MAOB: variants seen among roughly 807,000 people sequenced by gnomAD.
MAOB encodes amine oxidase [flavin-containing] B.
MAOB carries 15 observed loss-of-function variants against 41.9 expected under a neutral mutation model. The observed-to-expected ratio is 0.36, with a 90% confidence interval of 0.24 to 0.55. The LOEUF is 0.55. MAOB is among the 20% of genes least tolerant of loss of function. The probability of loss-of-function intolerance (pLI) is 0.86; values close to 1 mark genes in which losing one functional copy is unlikely to be tolerated. For missense variants in MAOB, 345 were observed against 398.7 expected (o/e 0.87, Z 1.15); for synonymous variants, 167 against 144.2 (o/e 1.16, Z -1.13).
chrX:43,833,522 G>T (rs899282894), intron 3 of MAOB, among the ~76,000 whole-genome samples: 1 of 111,247 alleles, frequency 9.0e-6, no homozygotes, highest in Admixed American at 9.6e-5. Context: ...CTTTTGGTGA[G>T]CTGGGCCCCC....
intron 6 of MAOB, among the ~76,000 whole-genome samples, 182 bp downstream of exon 6, chrX:43,796,943 G>A (rs2034535484): frequency 8.9e-6 from 1 of 111,796 alleles, no homozygotes; most frequent in South Asian, 3.8e-4. Context: ...ATTGGACACT[G>A]GGTTCTCACA....
At chrX:43,770,685 G>A (rs978001392) in intron 12 of MAOB, among the ~76,000 whole-genome samples, 1 of 111,808 alleles carries the variant, frequency 8.9e-6, no homozygotes, top group Non-Finnish European at 1.9e-5. Flanking sequence ...GAAATGTTCA[G>A]TGATATGCCA....
intron 3 of MAOB, among the ~76,000 whole-genome samples, chrX:43,816,782 CT>C (rs764646043): frequency 2.1e-3 from 232 of 111,887 alleles, no homozygotes; most frequent in Middle Eastern, 4.6e-3. Flanking sequence ...AATCAAGTTC[CT>C]TTTTGGATTC....
At chrX:43,843,387 AC>A (rs1474726901) in intron 2 of MAOB, among the ~76,000 whole-genome samples, 6 of 107,365 alleles carry the variant, frequency 5.6e-5, no homozygotes, top group Non-Finnish European at 1.2e-4. Context: ...ACACACACAC[AC>A]ACACACACAC....
chrX:43,817,081 C>T (rs1348505849), intron 3 of MAOB, among the ~76,000 whole-genome samples: 1 of 109,241 alleles, frequency 9.2e-6, no homozygotes, highest in Non-Finnish European at 1.9e-5. Context: ...CTCTCTCTCT[C>T]TTCTTCTTCT....
At chrX:43,843,991 T>C (rs977827404) in intron 1 of MAOB, 22 of 856,003 alleles carry the variant, frequency 2.6e-5, no homozygotes, top group Admixed American at 5.1e-5. Flanking sequence ...CTTAAACACA[T>C]CCTCTGCCAC....
chrX:43,837,829 C>A, intron 3 of MAOB: 1 of 328,836 alleles, frequency 3.0e-6, no homozygotes, highest in East Asian at 9.7e-5. Context: ...AAAACCTCCG[C>A]CAGTTCTTCC....
intron 3 of MAOB, among the ~76,000 whole-genome samples, chrX:43,830,124 T>C (rs1347734989): frequency 8.9e-6 from 1 of 112,756 alleles, no homozygotes; most frequent in Non-Finnish European, 1.9e-5. Flanking sequence ...ACTAGAAAAA[T>C]GTAAAATTAT....
intron 3 of MAOB, among the ~76,000 whole-genome samples, chrX:43,821,654 C>T (rs975121826): frequency 2.2e-4 from 25 of 111,371 alleles, no homozygotes; most frequent in Admixed American, 3.8e-4. Flanking sequence ...AAAACAAGTT[C>T]TTCCTTAAAT....
chrX:43,837,040 C>T (rs2035079608), intron 3 of MAOB, among the ~76,000 whole-genome samples: 1 of 112,212 alleles, frequency 8.9e-6, no homozygotes, highest in Non-Finnish European at 1.9e-5. Flanking sequence ...CTGGACATAG[C>T]TCTGAGCTGA....
chrX:43,825,164 T>A (rs1466829918), intron 3 of MAOB, among the ~76,000 whole-genome samples: 2 of 111,921 alleles, frequency 1.8e-5, no homozygotes, highest in Non-Finnish European at 3.8e-5. Context: ...GGACATTAAG[T>A]ATTTACACCG....
At chrX:43,770,367 C>T (rs996680642) in intron 12 of MAOB, among the ~76,000 whole-genome samples, 4 of 111,587 alleles carry the variant, frequency 3.6e-5, no homozygotes, top group Admixed American at 2.9e-4. Flanking sequence ...GCTTCCTTCT[C>T]CCTTCCACAG....
chrX:43,824,786 A>G (rs1237087950), intron 3 of MAOB, among the ~76,000 whole-genome samples: 3 of 113,504 alleles, frequency 2.6e-5, no homozygotes, highest in African/African-American at 9.6e-5. Flanking sequence ...AAATAGACAC[A>G]GACATATGTG....
intron 9 of MAOB, among the ~76,000 whole-genome samples, chrX:43,780,964 C>T (rs1419955348): frequency 9.0e-6 from 1 of 111,536 alleles, no homozygotes; most frequent in African/African-American, 3.3e-5. Context: ...CCTCTCTGGG[C>T]CAGGATATCC....
At chrX:43,849,039 A>G (rs1387631497) in intron 1 of MAOB, among the ~76,000 whole-genome samples, 1 of 112,204 alleles carries the variant, frequency 8.9e-6, no homozygotes, top group East Asian at 2.8e-4. Context: ...CCAATTTGAC[A>G]TCAAATTCAT....
intron 1 of MAOB, among the ~76,000 whole-genome samples, chrX:43,850,808 A>C (rs1440220359): frequency 8.9e-6 from 1 of 112,291 alleles, no homozygotes; most frequent in Non-Finnish European, 1.9e-5. Context: ...CTTGAAAAAG[A>C]TAAAAAACAT....
chrX:43,812,684 A>T (rs146566261), intron 3 of MAOB, among the ~76,000 whole-genome samples: 2,920 of 112,562 alleles, frequency 0.026, 41 homozygotes, highest in Middle Eastern at 0.078. Flanking sequence ...GATAATTATT[A>T]GATTTTTTTC....
chrX:43,779,760 C>T (rs764408252), intron 10 of MAOB, among the ~76,000 whole-genome samples: 4 of 111,491 alleles, frequency 3.6e-5, no homozygotes, highest in East Asian at 5.7e-4. Context: ...CTGATGGAAT[C>T]GGAAAGCATG....
intron 1 of MAOB, among the ~76,000 whole-genome samples, chrX:43,870,534 G>A (rs1407912402): frequency 9.0e-6 from 1 of 111,105 alleles, no homozygotes; most frequent in Admixed American, 9.6e-5. Context: ...GGTGGCTCAC[G>A]CCTGTAATCC....
Sources: gnomAD v4.1 joint callset for allele counts (sites outside exome capture counted in the v4.1 genomes callset) on GRCh38, gnomAD v4.1.1 for gene constraint, MANE v1.5 for transcripts, NCBI Gene and HGNC (gene_info 2026-07-23, HGNC 2026-07-21) for gene names.